Variants in VPS53 observed in about 807,000 individuals in gnomAD.
VPS53 encodes vacuolar protein sorting-associated protein 53 homolog.
VPS53 carries 70 observed loss-of-function variants against 107.0 expected under a neutral mutation model. The observed-to-expected ratio is 0.65, with a 90% confidence interval of 0.54 to 0.80. VPS53 has a LOEUF of 0.80. VPS53 is among the 30% of genes least tolerant of loss of function. VPS53 has a pLI of 0.00. For missense variants in VPS53, 917 were observed against 1,049.4 expected (o/e 0.87, Z 1.74); for synonymous variants, 409 against 393.3 (o/e 1.04, Z -0.47).
In VPS53 at chr17:515,069, T is replaced by A. The variant is rs1908205603; in HGVS notation, c.*4059A>T. 6.6e-6 allele frequency: 1 copy of A among 152,150 alleles called. No homozygotes were observed. 9.4% of individuals were successfully genotyped at this position (152,150 alleles called of 1,614,324 possible). On this transcript the variant is annotated 3_prime_UTR_variant, in exon 22 of 22. Coordinates refer to ENST00000437048, the MANE Select transcript of VPS53 (RefSeq NM_001128159.3). The stretch of plus-strand genomic sequence containing the variant: ...AGAGCAGAGTGAACTCTTTATTGAT[T>A]ATACAAATTACCACTATTTATTTTA...
At chr17:655,781 T>C (rs2143530405) in intron 6 of VPS53, 57 bp downstream of exon 6, 1 of 1,494,598 alleles carries the variant, frequency 6.7e-7, no homozygotes, top group African/African-American at 1.4e-5. Flanking sequence ...GACAACACCA[T>C]TTTCTCTATG....
At chr17:530,817 A>T (rs889452225) in intron 19 of VPS53, among the ~76,000 whole-genome samples, 4 of 152,230 alleles carry the variant, frequency 2.6e-5, no homozygotes, top group African/African-American at 2.4e-5. Context: ...GTGCCCTTGC[A>T]ATTGCTCGAG....
intron 17 of VPS53, among the ~76,000 whole-genome samples, chr17:546,376 C>CACAT (rs56755703): frequency 1.4e-5 from 2 of 146,896 alleles, no homozygotes; most frequent in African/African-American, 5.1e-5. Flanking sequence ...CACACACACA[C>CACAT]GATATACCAA....
chr17:585,313 T>C (rs889351790), intron 13 of VPS53, among the ~76,000 whole-genome samples: 2 of 152,256 alleles, frequency 1.3e-5, no homozygotes, highest in East Asian at 1.9e-4. Flanking sequence ...ACTGAGGACA[T>C]TGTACAAAAT....
intron 4 of VPS53, among the ~76,000 whole-genome samples, chr17:678,829 C>T (rs1262212015): frequency 1.3e-5 from 2 of 151,894 alleles, no homozygotes; most frequent in Non-Finnish European, 2.9e-5. Flanking sequence ...TTAGTAGAGA[C>T]GGGGTTTCAC....
intron 4 of VPS53, among the ~76,000 whole-genome samples, chr17:672,153 A>ACACACACTC (rs1193028603): frequency 1.7e-5 from 1 of 58,368 alleles, no homozygotes; most frequent in Non-Finnish European, 3.6e-5. Flanking sequence ...CACACACACA[A>ACACACACTC]TCTCTCTCTC....
chr17:534,073 C>A (rs1042146321), intron 18 of VPS53, among the ~76,000 whole-genome samples: 1 of 152,196 alleles, frequency 6.6e-6, no homozygotes, highest in African/African-American at 2.4e-5. Context: ...CTCCTGGCCT[C>A]AAGTGATCCT....
intron 5 of VPS53, chr17:657,422 A>G (rs878861540): frequency 2.3e-6 from 2 of 864,008 alleles, no homozygotes; most frequent in South Asian, 1.4e-5. Context: ...TGATGAGGGG[A>G]AGACACTCTC....
At chr17:581,743 G>A (rs1207767716) in intron 13 of VPS53, among the ~76,000 whole-genome samples, 1 of 147,730 alleles carries the variant, frequency 6.8e-6, no homozygotes, top group Admixed American at 6.7e-5. Context: ...ACTTAAATGC[G>A]TTCCCAGAGA....
rs534197934 is a variant in VPS53 at position 631,911 on chromosome 17, G to A, written c.609-283C>T. Reference sequence around the variant, plus strand: ...TAATCTTTATACAGTTCCACTGGGGGATAGTCATGCTGTGGGAAAATGTTA... The same window carrying A: ...TAATCTTTATACAGTTCCACTGGGGAATAGTCATGCTGTGGGAAAATGTTA... On this transcript the variant is annotated intron_variant, in intron 7 of 21. Coordinates refer to ENST00000437048, the MANE Select transcript of VPS53 (RefSeq NM_001128159.3). 2.0e-5 allele frequency among the ~76,000 whole-genome samples: 3 copies of A among 152,150 alleles called. No homozygotes were observed. In the East Asian group the frequency reaches 5.8e-4, roughly 29 times the overall value.
At chr17:685,487 T>A (rs1972553459) in intron 4 of VPS53, among the ~76,000 whole-genome samples, 1 of 152,124 alleles carries the variant, frequency 6.6e-6, no homozygotes, top group Non-Finnish European at 1.5e-5. Context: ...TATTCAACAC[T>A]TTAGTATAAA....
chr17:556,605 G>C (rs921389614), intron 15 of VPS53, among the ~76,000 whole-genome samples: 3 of 152,212 alleles, frequency 2.0e-5, no homozygotes, highest in African/African-American at 4.8e-5. Flanking sequence ...TGAGAGGTAT[G>C]AGGTCATGAG....
At chr17:705,164 T>TA (rs1290911600) in intron 2 of VPS53, among the ~76,000 whole-genome samples, 2 of 152,196 alleles carry the variant, frequency 1.3e-5, no homozygotes, top group Non-Finnish European at 1.5e-5. Context: ...GGGCTCACCT[T>TA]ACAGCCCACT....
chr17:624,664 C>T (rs865911701), intron 10 of VPS53, among the ~76,000 whole-genome samples: 4 of 152,312 alleles, frequency 2.6e-5, no homozygotes, highest in East Asian at 1.9e-4. Flanking sequence ...CAGGTACTGG[C>T]GCTCACAAGA....
At chr17:586,791 T>A (rs1354455690) in intron 12 of VPS53, among the ~76,000 whole-genome samples, 1 of 152,224 alleles carries the variant, frequency 6.6e-6, no homozygotes, top group Non-Finnish European at 1.5e-5. Context: ...ATCCTTCATG[T>A]AGGTATGACT....
At chr17:637,696 A>G (rs1396340236) in intron 7 of VPS53, among the ~76,000 whole-genome samples, 1 of 152,202 alleles carries the variant, frequency 6.6e-6, no homozygotes, top group Non-Finnish European at 1.5e-5. Flanking sequence ...ATTCAGGAGC[A>G]GGTTGTTCAG....
At chr17:564,871 G>C (rs1014093039) in intron 13 of VPS53, among the ~76,000 whole-genome samples, 1 of 152,212 alleles carries the variant, frequency 6.6e-6, no homozygotes, top group Non-Finnish European at 1.5e-5. Flanking sequence ...TGAGGATCCA[G>C]CAGAGCTGCA....
intron 9 of VPS53, among the ~76,000 whole-genome samples, chr17:627,779 C>T (rs1054178453): frequency 6.9e-6 from 1 of 145,066 alleles, no homozygotes; most frequent in African/African-American, 2.5e-5. Context: ...CCGTCTCACA[C>T]ACACACACAC....
intron 4 of VPS53, among the ~76,000 whole-genome samples, chr17:694,011 C>T (rs1597495583): frequency 6.6e-6 from 1 of 152,266 alleles, no homozygotes; most frequent in Admixed American, 6.5e-5. Flanking sequence ...AACCAGCCAG[C>T]CAGGGCTGGA....
Sources: allele counts gnomAD v4.1 joint callset (sites outside exome capture counted in the v4.1 genomes callset), GRCh38; gene constraint gnomAD v4.1.1; transcripts MANE v1.5; gene names NCBI Gene and HGNC (gene_info 2026-07-23, HGNC 2026-07-21).